Variants in ZNF708 observed in about 807,000 individuals in gnomAD.
ZNF708 encodes the protein zinc finger protein 708, also known as ZNF15, ZNF15L1.
Under a neutral mutation model 47.0 loss-of-function variants are expected in ZNF708, and 44 were observed. The observed-to-expected ratio is 0.94, with a 90% CI of 0.74 to 1.20. The LOEUF is 1.20. ZNF708 is among the 50% of genes most tolerant of loss of function. The probability of loss-of-function intolerance (pLI) is 0.00; values close to 1 mark genes in which losing one functional copy is unlikely to be tolerated. For missense variants in ZNF708, 557 were observed against 656.0 expected (o/e 0.85, Z 1.65); for synonymous variants, 184 against 218.5 (o/e 0.84, Z 1.39).
chr19:21,312,151 T>C (rs1399287764), intron 1 of ZNF708, among the ~76,000 whole-genome samples: 2 of 151,862 alleles, frequency 1.3e-5, no homozygotes, highest in Non-Finnish European at 2.9e-5. Context: ...AAAAATTAGC[T>C]GGGCGTGGTG....
rs1973058174 is a variant in ZNF708 at position 21,318,357 on chromosome 19, T to C, written c.4-7730A>G. The C allele has an allele frequency of 2.0e-5, 3 of 152,196 alleles. No homozygotes were observed. In the South Asian group the frequency reaches 6.2e-4, roughly 32 times the overall value. The allele number at this position is 152,196 out of a possible 1,614,324, so 9.4% of individuals were successfully genotyped here. ...CCACCTCTTTGTCAACACCAAGGGA[T>C]AGCATTAGGGCTTCTAAAACAGACA... On this transcript the variant is annotated intron_variant, in intron 1 of 3. Coordinates refer to ENST00000356929, the MANE Select transcript of ZNF708 (RefSeq NM_021269.3).
In ZNF708 at chr19:21,291,554, T is replaced by C. The variant is rs1379877187; in HGVS notation, c.*1720A>G. 6.6e-6 allele frequency: 1 copy of C among 152,146 alleles called. No homozygotes were observed. The highest frequency in any genetic ancestry group is 1.5e-5 in the Non-Finnish European group (1 of 68,028). The allele number at this position is 152,146 out of a possible 1,614,324, so 9.4% of individuals were successfully genotyped here. On this transcript the variant is annotated 3_prime_UTR_variant, in exon 4 of 4. Transcript: ENST00000356929. ...CAATATTAGCTTTTTAAAAAATCTG[T>C]ACTTCTTTTCAAGGAAAAAAGAACA... is the stretch of plus-strand genomic sequence containing the variant.
At chr19:21,316,547 G>C (rs574649853) in intron 1 of ZNF708, among the ~76,000 whole-genome samples, 1 of 152,188 alleles carries the variant, frequency 6.6e-6, no homozygotes, top group South Asian at 2.1e-4. Context: ...TTTAGCAAGA[G>C]GAGAAAAAAG....
chr19:21,309,367 G>C (rs772406638), intron 2 of ZNF708, 26 bp from the exon 3 acceptor site: 1 of 1,540,224 alleles, frequency 6.5e-7, no homozygotes. Context: ...TAAATAACGT[G>C]AATCTTGCTC....
intron 1 of ZNF708, chr19:21,318,513 A>G (rs1973061430): frequency 6.6e-6 from 1 of 152,216 alleles, no homozygotes; most frequent in Non-Finnish European, 1.5e-5. Flanking sequence ...TCAGTCAGAA[A>G]ATATTCCCCT....
chr19:21,329,290 G>A lies in ZNF708; in HGVS notation c.-78C>T. On this transcript the variant is annotated 5_prime_UTR_variant, in exon 1 of 4. Transcript: ENST00000356929. Reference sequence around the variant, plus strand: ...GCAGGTCACAGAGCCACAGAGTCTGGGCCTCTAGGAGCAGAGGACAAACAG... The same window carrying A: ...GCAGGTCACAGAGCCACAGAGTCTGAGCCTCTAGGAGCAGAGGACAAACAG... 6.3e-7 allele frequency: 1 copy of A among 1,590,464 alleles called. No individual in the cohort carries two copies. The highest frequency in any genetic ancestry group is 8.6e-7 in the Non-Finnish European group (1 of 1,161,544).
chr19:21,321,144 A>T (rs1159430730), intron 1 of ZNF708, among the ~76,000 whole-genome samples: 4 of 93,874 alleles, frequency 4.3e-5, no homozygotes, highest in African/African-American at 1.4e-4. Context: ...TCTTAAAAAA[A>T]AGAAAAGAAA....
chr19:21,312,106 C>A lies in ZNF708; in HGVS notation c.4-1479G>T, dbSNP rs529116439. 2.0e-5 allele frequency among the ~76,000 whole-genome samples: 3 copies of A among 152,138 alleles called. No homozygotes were observed. The Middle Eastern group carries it at 0.01, about 517-fold the overall frequency. On this transcript the variant is annotated intron_variant, in intron 1 of 3. Transcript: ENST00000356929. ...GGTCAGAAGTTCGAAACCAGCCTGG[C>A]CAACATGGTGAAACCCTGTCTCTAC...
At chr19:21,308,473 T>C (rs1388724042) in intron 3 of ZNF708, among the ~76,000 whole-genome samples, 2 of 152,106 alleles carry the variant, frequency 1.3e-5, no homozygotes, top group African/African-American at 4.8e-5. Flanking sequence ...GACACGGTAT[T>C]TCACCATGTT....
chr19:21,306,125 G>GA (rs1236071999), intron 3 of ZNF708, among the ~76,000 whole-genome samples: 6 of 152,112 alleles, frequency 3.9e-5, no homozygotes, highest in Non-Finnish European at 7.4e-5. Flanking sequence ...ACATCTCTTA[G>GA]AAAAAACATA....
chr19:21,319,136 C>G (rs1047460404), intron 1 of ZNF708, among the ~76,000 whole-genome samples: 1 of 152,008 alleles, frequency 6.6e-6, no homozygotes, highest in African/African-American at 2.4e-5. Context: ...ATATTTTGAT[C>G]TTATATTCAT....
In ZNF708 at chr19:21,293,122, G is replaced by T; in HGVS notation, c.*152C>A. On this transcript the variant is annotated 3_prime_UTR_variant, in exon 4 of 4. Transcript: ENST00000356929. ...TTGCCACATTCTTTACATTTGTAGG[G>T]TTTCTCTCTAGTATGAATTATCTTT... The T allele has an allele frequency of 9.8e-7, 1 of 1,025,266 alleles. No homozygotes were observed. The highest frequency in any genetic ancestry group is 1.5e-6 in the Non-Finnish European group (1 of 684,192). The allele number at this position is 1,025,266 out of a possible 1,614,324, so 63.5% of individuals were successfully genotyped here.
intron 3 of ZNF708, among the ~76,000 whole-genome samples, chr19:21,307,453 G>T (rs143024386): frequency 6.6e-6 from 1 of 151,896 alleles, no homozygotes; most frequent in East Asian, 1.9e-4. Context: ...GTGAAACCCC[G>T]TCTACTAAAA....
At chr19:21,298,798 A>G (rs1237851843) in intron 3 of ZNF708, among the ~76,000 whole-genome samples, 1 of 152,236 alleles carries the variant, frequency 6.6e-6, no homozygotes, top group Non-Finnish European at 1.5e-5. Flanking sequence ...CTGAAAGCCA[A>G]TAGGTAAAAG....
chr19:21,309,058 G>A (rs1972844535), intron 3 of ZNF708, among the ~76,000 whole-genome samples, 188 bp downstream of exon 3: 2 of 152,118 alleles, frequency 1.3e-5, no homozygotes, highest in African/African-American at 2.4e-5. Context: ...ATCGCTGAAG[G>A]GAAAGTAGAA....
intron 3 of ZNF708, among the ~76,000 whole-genome samples, chr19:21,298,411 C>G (rs761649341): frequency 1.1e-4 from 16 of 149,882 alleles, no homozygotes; most frequent in Non-Finnish European, 1.6e-4. Flanking sequence ...GAACAACACA[C>G]TTTTGAGTGT....
At chr19:21,321,708 G>GAAAGA (rs1267963436) in intron 1 of ZNF708, among the ~76,000 whole-genome samples, 3 of 119,532 alleles carry the variant, frequency 2.5e-5, no homozygotes, top group South Asian at 2.5e-4. Context: ...AGAAAGAAAG[G>GAAAGA]AAGGAAGGAA....
At chr19:21,311,601 G>A (rs546276237) in intron 1 of ZNF708, among the ~76,000 whole-genome samples, 3 of 152,090 alleles carry the variant, frequency 2.0e-5, no homozygotes, top group Admixed American at 2.0e-4. Context: ...AATGATTTTA[G>A]GTAGACATCT....
chr19:21,316,638 G>A (rs1599685680), intron 1 of ZNF708, among the ~76,000 whole-genome samples: 1 of 152,166 alleles, frequency 6.6e-6, no homozygotes, highest in South Asian at 2.1e-4. Flanking sequence ...CATGGTCTCT[G>A]AGTCAGCTTC....
Sources: allele counts gnomAD v4.1 joint callset (sites outside exome capture counted in the v4.1 genomes callset), GRCh38; gene constraint gnomAD v4.1.1; transcripts MANE v1.5; gene names NCBI Gene and HGNC (gene_info 2026-07-23, HGNC 2026-07-21).